Variants in RHBDD1 observed in about 807,000 individuals in gnomAD.
RHBDD1 encodes rhomboid-related protein 4.
In RHBDD1, 38 loss-of-function variants were observed where a neutral mutation model predicts 36.3. The observed-to-expected ratio is 1.05, with a 90% CI of 0.81 to 1.37. The LOEUF (loss-of-function observed/expected upper bound fraction) is 1.37, where lower values mean the gene tolerates loss of function less well. RHBDD1 is among the 40% of genes most tolerant of loss of function. The pLI, the probability that RHBDD1 is intolerant of heterozygous loss-of-function variation, is 0.00. For synonymous variants in RHBDD1, 151 were observed against 136.5 expected (o/e 1.11, Z -0.74); for missense variants, 393 against 377.6 (o/e 1.04, Z -0.34).
At chr2:226,825,807 G>T in the RHBDD1 span, among the ~76,000 whole-genome samples, 2 of 152,194 alleles carry the variant, frequency 1.3e-5, no homozygotes, top group African/African-American at 4.8e-5. Flanking sequence ...ATGAGCTTTG[G>T]CAAATTACTT....
chr2:226,980,302 C>G (rs1478545106), intron 8 of RHBDD1, among the ~76,000 whole-genome samples: 1 of 152,154 alleles, frequency 6.6e-6, no homozygotes, highest in Non-Finnish European at 1.5e-5. Context: ...AACCCATGCC[C>G]TACTCTCGTT....
chr2:226,930,791 GA>G (rs1027432524), intron 8 of RHBDD1, among the ~76,000 whole-genome samples: 4 of 148,600 alleles, frequency 2.7e-5, no homozygotes, highest in Non-Finnish European at 4.5e-5. Context: ...AAATCAACAA[GA>G]AAAAAAAATA....
intron 8 of RHBDD1, chr2:226,935,473 A>G (rs961704344): frequency 2.0e-5 from 3 of 152,100 alleles, no homozygotes; most frequent in African/African-American, 7.2e-5. Context: ...CAATTTTTGT[A>G]AAGAATTGGA....
chr2:226,868,171 A>AT (rs1282150442), intron 5 of RHBDD1, among the ~76,000 whole-genome samples: 10 of 152,164 alleles, frequency 6.6e-5, no homozygotes, highest in African/African-American at 2.2e-4. Context: ...CCTTACTCCC[A>AT]TGTTGCTGTG....
At chr2:226,870,301 A>C (rs188522490) in intron 5 of RHBDD1, among the ~76,000 whole-genome samples, 12 of 152,326 alleles carry the variant, frequency 7.9e-5, no homozygotes, top group Admixed American at 3.3e-4. Flanking sequence ...GAAGTACTCA[A>C]CCCTTTTATT....
intron 8 of RHBDD1, among the ~76,000 whole-genome samples, chr2:226,966,372 C>A (rs1158926210): frequency 6.6e-6 from 1 of 152,142 alleles, no homozygotes; most frequent in African/African-American, 2.4e-5. Flanking sequence ...TAGGGGCCTC[C>A]TCAGTAGCCC....
chr2:226,851,506 G>T (rs112787884), intron 3 of RHBDD1, among the ~76,000 whole-genome samples: 462 of 152,184 alleles, frequency 3.0e-3, no homozygotes, highest in Non-Finnish European at 4.4e-3. Flanking sequence ...ACTAGCAAAA[G>T]TAGAGGTGGA....
At chr2:226,955,447 A>C (rs763375989) in intron 8 of RHBDD1, among the ~76,000 whole-genome samples, 2 of 152,234 alleles carry the variant, frequency 1.3e-5, no homozygotes, top group Non-Finnish European at 2.9e-5. Context: ...TTGTTGTACA[A>C]TATGCAGCTT....
the RHBDD1 span, among the ~76,000 whole-genome samples, chr2:226,816,548 C>G: frequency 6.6e-6 from 1 of 152,114 alleles, no homozygotes; most frequent in African/African-American, 2.4e-5. Context: ...ATCTCTTAAA[C>G]TATGCCCCAT....
chr2:226,954,227 A>G (rs2149234889), intron 8 of RHBDD1, among the ~76,000 whole-genome samples: 1 of 152,336 alleles, frequency 6.6e-6, no homozygotes, highest in South Asian at 2.1e-4. Context: ...TATCATCTAT[A>G]ATTTCCCTTG....
the RHBDD1 span, among the ~76,000 whole-genome samples, chr2:226,821,310 G>A: frequency 6.6e-6 from 1 of 151,918 alleles, no homozygotes; most frequent in South Asian, 2.1e-4. Context: ...GACTAGTACT[G>A]GCTTTTTTTG....
chr2:226,973,710 TATC>T lies in RHBDD1; in HGVS notation c.857-21718_857-21716del, dbSNP rs75184166. Reference sequence around the variant, plus strand: ...TTCTTGGAAGCAGCAAGCATTTTGTTATCATTGTTATTGTCTGAGCAAGTGAAA... The same window carrying T: ...TTCTTGGAAGCAGCAAGCATTTTGTTATTGTTATTGTCTGAGCAAGTGAAA... On this transcript the variant is annotated intron_variant, in intron 8 of 8. Transcript: ENST00000392062. Among the ~76,000 whole-genome samples, 217 of 152,332 alleles carry T rather than the reference TATC, an allele frequency of 1.4e-3. 3 individuals carry two copies. In the East Asian group the frequency reaches 0.025, roughly 18 times the overall value.
At chr2:226,975,707 C>T (rs890327625) in intron 8 of RHBDD1, among the ~76,000 whole-genome samples, 4 of 152,140 alleles carry the variant, frequency 2.6e-5, no homozygotes, top group Admixed American at 6.5e-5. Flanking sequence ...TTGGAATTTT[C>T]GACAATGATT....
chr2:226,887,948 A>G (rs1354440907), intron 5 of RHBDD1, among the ~76,000 whole-genome samples: 1 of 152,246 alleles, frequency 6.6e-6, no homozygotes, highest in Non-Finnish European at 1.5e-5. Flanking sequence ...ATTTAAACAG[A>G]TACAACACGT....
intron 3 of RHBDD1, among the ~76,000 whole-genome samples, chr2:226,864,296 G>T (rs1416158517): frequency 6.6e-6 from 1 of 152,032 alleles, no homozygotes; most frequent in Non-Finnish European, 1.5e-5. Context: ...ATCTTTGTAG[G>T]TTTTTCATGA....
At chr2:226,844,365 T>C (rs553430990) in intron 3 of RHBDD1, among the ~76,000 whole-genome samples, 9 of 151,844 alleles carry the variant, frequency 5.9e-5, no homozygotes, top group African/African-American at 2.2e-4. Context: ...GTATTGATGC[T>C]ATGCAGGCAA....
chr2:226,914,341 C>A lies in RHBDD1; in HGVS notation c.846C>A (p.Leu282=). ...TCGAGAGAGCATTACAAGCCAGCCTCTGGGACCGAGGTAGGAGTCTTGCGC... is the reference window on the plus strand; with the variant it reads ...TCGAGAGAGCATTACAAGCCAGCCTATGGGACCGAGGTAGGAGTCTTGCGC... The part of the protein sequence containing the change: ...EQLERALQAS[L]WDRGNTRNSP... Residue 282 remains leucine, a synonymous_variant, in exon 8 of 9, where the codon CTC becomes CTA. Coordinates refer to ENST00000392062, the MANE Select transcript of RHBDD1 (RefSeq NM_001167608.3). 1.2e-6 allele frequency: 2 copies of A among 1,613,190 alleles called. No homozygotes were observed. Among genetic ancestry groups the A allele is most frequent in the Non-Finnish European group, 1.7e-6 (2 of 1,179,522 alleles).
At chr2:226,923,371 T>G (rs1949456627) in intron 8 of RHBDD1, among the ~76,000 whole-genome samples, 1 of 152,200 alleles carries the variant, frequency 6.6e-6, no homozygotes, top group Non-Finnish European at 1.5e-5. Flanking sequence ...AGGTTTCCAC[T>G]GAAGTCCGCT....
At chr2:226,862,475 G>T (rs1559205395) in intron 3 of RHBDD1, among the ~76,000 whole-genome samples, 1 of 151,734 alleles carries the variant, frequency 6.6e-6, no homozygotes, top group Non-Finnish European at 1.5e-5. Flanking sequence ...TCTCCACAGA[G>T]AAAGCAGAAA....
Sources: gnomAD v4.1 joint callset for allele counts (sites outside exome capture counted in the v4.1 genomes callset) on GRCh38, gnomAD v4.1.1 for gene constraint, MANE v1.5 for transcripts, NCBI Gene and HGNC (gene_info 2026-07-23, HGNC 2026-07-21) for gene names.